Variants in ATP6V1E1 observed in about 807,000 individuals in gnomAD.
ATP6V1E1 encodes the protein ATPase H+ transporting V1 subunit E1.
ATP6V1E1 carries 21 observed loss-of-function variants against 35.2 expected under a neutral mutation model. That is an observed-to-expected ratio of 0.60 (90% CI 0.42 to 0.86). ATP6V1E1 has a LOEUF of 0.86. ATP6V1E1 is among the 40% of genes least tolerant of loss of function. The probability of loss-of-function intolerance (pLI) is 0.00; values close to 1 mark genes in which losing one functional copy is unlikely to be tolerated. For synonymous variants in ATP6V1E1, 83 were observed against 87.8 expected, an observed-to-expected ratio of 0.95 and a Z score of 0.30; for missense variants, 183 against 272.6, an observed-to-expected ratio of 0.67 and a Z score of 2.32.
At chr22:17,619,003 G>GA in intron 2 of ATP6V1E1, 1 of 453,254 alleles carries the variant, frequency 2.2e-6, no homozygotes, top group South Asian at 1.6e-5. Flanking sequence ...GTCTCAAAAT[G>GA]AAAGAAGGGG....
chr22:17,608,022 T>C (rs1366457504), intron 4 of ATP6V1E1, among the ~76,000 whole-genome samples: 1 of 152,194 alleles, frequency 6.6e-6, no homozygotes, highest in Non-Finnish European at 1.5e-5. Flanking sequence ...GGTTTTTCAC[T>C]CACACTGCTC....
chr22:17,614,923 C>G (rs9605343), intron 2 of ATP6V1E1, among the ~76,000 whole-genome samples: 5 of 149,400 alleles, frequency 3.3e-5, no homozygotes, highest in African/African-American at 1.2e-4. Context: ...GAACCGAGAT[C>G]GCGCCTGGGC....
chr22:17,594,177 A>C (rs563925911), intron 8 of ATP6V1E1, among the ~76,000 whole-genome samples: 2 of 152,296 alleles, frequency 1.3e-5, no homozygotes, highest in Middle Eastern at 6.8e-3. Context: ...CTGCGCAAAA[A>C]AGAGTGAAAC....
At chr22:17,607,133 A>T (rs76754991) in intron 4 of ATP6V1E1, among the ~76,000 whole-genome samples, 10,699 of 151,360 alleles carry the variant, frequency 0.071, 1,273 homozygotes, top group African/African-American at 0.24. Context: ...TTTTTTCACC[A>T]TTCTTTACCT....
chr22:17,625,565 G>A (rs1316115295), intron 1 of ATP6V1E1, among the ~76,000 whole-genome samples: 2 of 148,530 alleles, frequency 1.3e-5, no homozygotes, highest in African/African-American at 4.9e-5. Context: ...ACAGGCGTGA[G>A]CCGGCCAGGA....
intron 1 of ATP6V1E1, among the ~76,000 whole-genome samples, chr22:17,626,418 A>G (rs1040956969): frequency 6.6e-5 from 10 of 151,990 alleles, no homozygotes; most frequent in Admixed American, 6.6e-5. Context: ...TCTCTCACCC[A>G]GGATGGAGCA....
At chr22:17,597,353 T>G (rs2057737302) in intron 7 of ATP6V1E1, among the ~76,000 whole-genome samples, 1 of 151,814 alleles carries the variant, frequency 6.6e-6, no homozygotes, top group African/African-American at 2.4e-5. Context: ...GGCTCTCCCC[T>G]TGTCAGGAGT....
intron 2 of ATP6V1E1, among the ~76,000 whole-genome samples, chr22:17,615,324 C>T (rs2057838342): frequency 6.6e-6 from 1 of 151,950 alleles, no homozygotes; most frequent in South Asian, 2.1e-4. Flanking sequence ...TTTTTTTATA[C>T]ATAAATTTTA....
chr22:17,627,681 G>A lies in ATP6V1E1; in HGVS notation c.33+922C>T, dbSNP rs1420347064. Among the ~76,000 whole-genome samples, 4 of 150,722 alleles carry A rather than the reference G, an allele frequency of 2.7e-5. No homozygotes were observed. In the East Asian group the frequency reaches 8.4e-4, roughly 32 times the overall value. ...TAAAAAAAATACAAAAATTAGCCGGGCTTGGGGCGCGAGTCTGTAATCCCA... is the reference window on the plus strand; with the variant it reads ...TAAAAAAAATACAAAAATTAGCCGGACTTGGGGCGCGAGTCTGTAATCCCA... On this transcript the variant is annotated intron_variant, in intron 1 of 8. Transcript: ENST00000253413.
At position 17,601,021 on chromosome 22, in the gene ATP6V1E1, G is replaced by A. The variant is rs930066300; in HGVS notation, c.366+71C>T. On this transcript the variant is annotated intron_variant, in intron 5 of 8. Coordinates refer to ENST00000253413, the MANE Select transcript of ATP6V1E1 (RefSeq NM_001696.4). ...TGAGAAAGCAGGAAAAAATAGAGCTGGTCTCTAATAGGCATTCTAAATTTT... is the reference window on the plus strand; with the variant it reads ...TGAGAAAGCAGGAAAAAATAGAGCTAGTCTCTAATAGGCATTCTAAATTTT... 5 of 1,219,502 alleles carry A rather than the reference G, an allele frequency of 4.1e-6. No individual in the cohort carries two copies. The African/African-American group carries it at 7.7e-5, about 19-fold the overall frequency. The allele number at this position is 1,219,502 out of a possible 1,614,324, so 75.5% of individuals were successfully genotyped here.
chr22:17,598,428 C>T (rs573739285), intron 6 of ATP6V1E1, 140 bp from the exon 7 acceptor site: 41 of 659,356 alleles, frequency 6.2e-5, no homozygotes, highest in African/African-American at 3.8e-4. Flanking sequence ...GAATGTAAAA[C>T]GGCACGGCCA....
intron 4 of ATP6V1E1, among the ~76,000 whole-genome samples, chr22:17,604,902 G>A (rs2057777948): frequency 6.6e-6 from 1 of 152,032 alleles, no homozygotes; most frequent in Non-Finnish European, 1.5e-5. Context: ...AAATGTTAAT[G>A]CTTATTTATT....
chr22:17,620,834 C>T (rs1344695816), intron 1 of ATP6V1E1, among the ~76,000 whole-genome samples: 2 of 152,162 alleles, frequency 1.3e-5, no homozygotes, highest in Admixed American at 6.5e-5. Flanking sequence ...GAGGCCGAGG[C>T]GGGCGGATCA....
At chr22:17,599,943 G>T in intron 6 of ATP6V1E1, 84 bp downstream of exon 6, 2 of 1,078,188 alleles carry the variant, frequency 1.9e-6, no homozygotes, top group Non-Finnish European at 2.7e-6. Flanking sequence ...AGAAAAGGAA[G>T]GAAGGAAGGA....
intron 2 of ATP6V1E1, among the ~76,000 whole-genome samples, chr22:17,614,542 C>T (rs1478097852): frequency 2.0e-5 from 3 of 151,438 alleles, no homozygotes; most frequent in East Asian, 1.9e-4. Flanking sequence ...ATGGTGGGCA[C>T]ATGCCTGTAA....
intron 2 of ATP6V1E1, among the ~76,000 whole-genome samples, 165 bp downstream of exon 2, chr22:17,619,293 CAAA>C (rs759086265): frequency 9.1e-6 from 1 of 109,304 alleles, no homozygotes; most frequent in Non-Finnish European, 1.9e-5. Flanking sequence ...ACTCGGTCTC[CAAA>C]AAAAAAAAAA....
At chr22:17,612,921 A>G (rs2057822621) in intron 3 of ATP6V1E1, 43 bp from the exon 4 acceptor site, 2 of 1,548,122 alleles carry the variant, frequency 1.3e-6, no homozygotes, top group Admixed American at 3.9e-5. Flanking sequence ...ACAACTTAAA[A>G]CTGTAGAGAA....
intron 6 of ATP6V1E1, among the ~76,000 whole-genome samples, chr22:17,598,584 T>A (rs5992073): frequency 2.0e-5 from 3 of 151,194 alleles, no homozygotes; most frequent in East Asian, 2.0e-4. Context: ...GATACATTAT[T>A]CCCCCAGCTG....
intron 1 of ATP6V1E1, among the ~76,000 whole-genome samples, chr22:17,622,644 T>C (rs1298235724): frequency 6.6e-6 from 1 of 151,808 alleles, no homozygotes; most frequent in African/African-American, 2.4e-5. Flanking sequence ...GAACTTAAAG[T>C]ATAATGAAAC....
Sources: gnomAD v4.1 joint callset for allele counts (sites outside exome capture counted in the v4.1 genomes callset) on GRCh38, gnomAD v4.1.1 for gene constraint, MANE v1.5 for transcripts, NCBI Gene and HGNC (gene_info 2026-07-23, HGNC 2026-07-21) for gene names.